SPEF2: variants seen among roughly 807,000 people sequenced by gnomAD.
The protein encoded by SPEF2 is sperm flagella and cilia-associated protein 2.
SPEF2 carries 187 observed loss-of-function variants against 224.6 expected under a neutral mutation model. The observed-to-expected ratio is 0.83, with a 90% CI of 0.74 to 0.94. The LOEUF (loss-of-function observed/expected upper bound fraction) is 0.94. Among genes scored for constraint, SPEF2 ranks in the 40% least tolerant of loss-of-function variants. The probability of loss-of-function intolerance (pLI) is 0.00; values close to 1 mark genes in which losing one functional copy is unlikely to be tolerated. For missense variants in SPEF2, 2,170 were observed against 2,135.6 expected, an observed-to-expected ratio of 1.02 and a Z score of -0.32; for synonymous variants, 715 against 707.3, an observed-to-expected ratio of 1.01 and a Z score of -0.17.
chr5:35,752,736 C>T (rs1400680898), intron 23 of SPEF2, among the ~76,000 whole-genome samples: 1 of 2,684 alleles, frequency 3.7e-4, no homozygotes, highest in Non-Finnish European at 7.4e-4. Flanking sequence ...CTTAATCTTT[C>T]TGTGACCTTA....
intron 23 of SPEF2, among the ~76,000 whole-genome samples, chr5:35,744,982 G>T (rs1748249478): frequency 6.8e-6 from 1 of 146,224 alleles, no homozygotes. Flanking sequence ...GTGCCCTAGT[G>T]CGGCAGTGGG....
At chr5:35,750,350 C>T (rs1749218342) in intron 23 of SPEF2, among the ~76,000 whole-genome samples, 1 of 152,074 alleles carries the variant, frequency 6.6e-6, no homozygotes, top group Admixed American at 6.5e-5. Context: ...AGATAAATCA[C>T]TGGGACCTAA....
At chr5:35,793,892 C>T (rs1284066222) in intron 32 of SPEF2, among the ~76,000 whole-genome samples, 1 of 152,052 alleles carries the variant, frequency 6.6e-6, no homozygotes, top group Non-Finnish European at 1.5e-5. Flanking sequence ...TAATATGGCC[C>T]ATACAGAAGG....
chr5:35,651,531 G>A lies in SPEF2; in HGVS notation c.791+2106G>A, dbSNP rs144939095. Among the ~76,000 whole-genome samples, 205 of 152,314 alleles carry A rather than the reference G, an allele frequency of 1.3e-3. 5 individuals are homozygous for A. The East Asian group carries it at 0.033, about 25-fold the overall frequency. Reference sequence around the variant, plus strand: ...CTCTTTTGGCCTTAAAAAGAAAAACGTTGGGAAGTGCTGGCCTAGAGCAAA... The same window carrying A: ...CTCTTTTGGCCTTAAAAAGAAAAACATTGGGAAGTGCTGGCCTAGAGCAAA... On this transcript the variant is annotated intron_variant, in intron 6 of 36. Coordinates refer to ENST00000356031, the MANE Select transcript of SPEF2 (RefSeq NM_024867.4).
At chr5:35,789,003 A>G in intron 30 of SPEF2, 1 of 697,444 alleles carries the variant, frequency 1.4e-6, no homozygotes, top group Non-Finnish European at 2.6e-6. Context: ...CTCAAGGGAT[A>G]TCCTGCAATT....
At chr5:35,799,934 C>T (rs1169774145) in intron 33 of SPEF2, 34 bp from the exon 34 acceptor site, 4 of 1,610,306 alleles carry the variant, frequency 2.5e-6, no homozygotes, top group Non-Finnish European at 3.4e-6. Context: ...TGAGAGTGCA[C>T]CCATTTTATC....
intron 25 of SPEF2, among the ~76,000 whole-genome samples, chr5:35,762,698 T>C (rs1751480706): frequency 6.6e-6 from 1 of 152,210 alleles, no homozygotes; most frequent in Non-Finnish European, 1.5e-5. Context: ...GATAGCCCTT[T>C]GCACTTTCTA....
At chr5:35,753,102 A>C (rs1258893617) in intron 23 of SPEF2, among the ~76,000 whole-genome samples, 3 of 151,886 alleles carry the variant, frequency 2.0e-5, no homozygotes, top group African/African-American at 7.2e-5. Flanking sequence ...TGGCAAGGGC[A>C]ATCTCTTTAC....
chr5:35,742,165 C>T lies in SPEF2; in HGVS notation c.3330+1898C>T, dbSNP rs186916751. Among the ~76,000 whole-genome samples, 729 of 152,208 alleles carry T rather than the reference C, an allele frequency of 4.8e-3. 5 individuals carry two copies. The highest frequency in any genetic ancestry group is 0.017 in the African/African-American group (692 of 41,536). ...TTCATCTACAACATCATTTTTATGA[C>T]TAAAGGATATGACTAGTGGACTATA... On this transcript the variant is annotated intron_variant, in intron 23 of 36. Coordinates refer to ENST00000356031, the MANE Select transcript of SPEF2 (RefSeq NM_024867.4).
chr5:35,744,948 T>G (rs1180909615), intron 23 of SPEF2, among the ~76,000 whole-genome samples: 1 of 152,110 alleles, frequency 6.6e-6, no homozygotes, highest in African/African-American at 2.4e-5. Context: ...CTGCGGGACC[T>G]GGGAGACACC....
chr5:35,790,638 G>A (rs913333432), intron 30 of SPEF2: 3 of 264,674 alleles, frequency 1.1e-5, no homozygotes, highest in Admixed American at 1.1e-4. Flanking sequence ...CTACACAATG[G>A]TGTTATTTTG....
intron 24 of SPEF2, among the ~76,000 whole-genome samples, chr5:35,755,325 C>T (rs966938056): frequency 5.9e-5 from 9 of 152,118 alleles, no homozygotes; most frequent in Non-Finnish European, 1.0e-4. Context: ...TATAAACAGT[C>T]GTGTCAAAAG....
chr5:35,798,656 C>T (rs936732851), intron 33 of SPEF2, among the ~76,000 whole-genome samples: 3 of 152,018 alleles, frequency 2.0e-5, no homozygotes, highest in South Asian at 2.1e-4. Flanking sequence ...TGCAGTGGCA[C>T]GATCTCAGCT....
intron 1 of SPEF2, among the ~76,000 whole-genome samples, chr5:35,623,724 A>G (rs757324099): frequency 3.9e-5 from 6 of 152,218 alleles, no homozygotes; most frequent in Non-Finnish European, 5.9e-5. Flanking sequence ...TTGCTTTCTG[A>G]GTACTGAATT....
At chr5:35,677,195 T>G (rs1240700797) in intron 10 of SPEF2, among the ~76,000 whole-genome samples, 1 of 152,198 alleles carries the variant, frequency 6.6e-6, no homozygotes, top group Non-Finnish European at 1.5e-5. Context: ...AAAAGTGTCT[T>G]TCTTACTATC....
chr5:35,718,315 C>G (rs1010954216), intron 20 of SPEF2, among the ~76,000 whole-genome samples: 1 of 152,036 alleles, frequency 6.6e-6, no homozygotes, highest in South Asian at 2.1e-4. Context: ...TACGGAGATG[C>G]AATTACCTAT....
At chr5:35,629,091 T>A (rs1744694104) in intron 2 of SPEF2, among the ~76,000 whole-genome samples, 1 of 149,634 alleles carries the variant, frequency 6.7e-6, no homozygotes, top group Admixed American at 6.6e-5. Flanking sequence ...CAGCAAGACC[T>A]CATCTCTAAA....
chr5:35,620,435 C>T (rs942274745), intron 1 of SPEF2, among the ~76,000 whole-genome samples: 3 of 152,124 alleles, frequency 2.0e-5, no homozygotes, highest in African/African-American at 4.8e-5. Context: ...AATGATACCT[C>T]ATCTGGTTGT....
At chr5:35,744,410 T>C (rs1319759177) in intron 23 of SPEF2, among the ~76,000 whole-genome samples, 1 of 152,204 alleles carries the variant, frequency 6.6e-6, no homozygotes, top group Non-Finnish European at 1.5e-5. Flanking sequence ...TAATCCCTTT[T>C]TATCCCTGGT....
Sources: allele counts gnomAD v4.1 joint callset (sites outside exome capture counted in the v4.1 genomes callset), GRCh38; gene constraint gnomAD v4.1.1; transcripts MANE v1.5; gene names NCBI Gene and HGNC (gene_info 2026-07-23, HGNC 2026-07-21).